Variants in NREP observed in about 807,000 individuals in gnomAD.
NREP encodes neuronal regeneration-related protein.
Under a neutral mutation model 8.6 loss-of-function variants are expected in NREP, and 5 were observed. That is an observed-to-expected ratio of 0.58 (90% CI 0.30 to 1.22). The LOEUF (loss-of-function observed/expected upper bound fraction) is 1.22, where lower values mean the gene tolerates loss of function less well. Among genes scored for constraint, NREP ranks in the 50% most tolerant of loss-of-function variants. The pLI is 0.07. For missense variants in NREP, 86 were observed against 82.5 expected, an observed-to-expected ratio of 1.04 and a Z score of -0.17; for synonymous variants, 27 against 28.0, an observed-to-expected ratio of 0.96 and a Z score of 0.11.
intron 3 of NREP, chr5:111,731,892 C>T (rs947031300): frequency 1.3e-5 from 2 of 152,462 alleles, no homozygotes; most frequent in Non-Finnish European, 2.9e-5. Flanking sequence ...ACAGCAGAAG[C>T]ACAGCACAGT....
At chr5:111,825,658 T>C (rs1345345529) in intron 2 of NREP, among the ~76,000 whole-genome samples, 1 of 152,092 alleles carries the variant, frequency 6.6e-6, no homozygotes, top group Non-Finnish European at 1.5e-5. Flanking sequence ...GTAGGAAAAA[T>C]GCTCAGTTCA....
upstream of NREP, chr5:111,757,662 C>T (rs919061073): frequency 1.4e-4 from 136 of 983,436 alleles, no homozygotes; most frequent in Non-Finnish European, 1.5e-4. Flanking sequence ...GCTCGCCGCG[C>T]CGTCCCCACT....
chr5:111,872,725 A>G (rs1753817817), intron 2 of NREP, among the ~76,000 whole-genome samples: 1 of 152,182 alleles, frequency 6.6e-6, no homozygotes, highest in Admixed American at 6.5e-5. Context: ...TTGGCCCTGC[A>G]TACTGGTAAC....
intron 2 of NREP, chr5:111,949,132 A>C (rs1312942577): frequency 1.3e-5 from 2 of 152,082 alleles, no homozygotes; most frequent in African/African-American, 4.8e-5. Flanking sequence ...ATCTATTCCA[A>C]TCACAAATAA....
chr5:111,976,721 A>G, exon 1 of NREP: 1 of 1,550,910 alleles, frequency 6.4e-7, no homozygotes, highest in Non-Finnish European at 8.7e-7. Context: ...AAAGCAGAAT[A>G]ATTCCAAACT....
intron 2 of NREP, among the ~76,000 whole-genome samples, chr5:111,899,726 C>G (rs1451082692): frequency 1.3e-5 from 2 of 152,054 alleles, no homozygotes; most frequent in Admixed American, 6.6e-5. Flanking sequence ...CACACATGGA[C>G]TGAAAGTTTT....
chr5:111,926,445 C>T (rs914504665), intron 2 of NREP, among the ~76,000 whole-genome samples: 2 of 152,110 alleles, frequency 1.3e-5, no homozygotes, highest in African/African-American at 4.8e-5. Context: ...TGTTGTCCCA[C>T]AGGGCAAAGA....
chr5:111,920,672 T>C (rs1298136773), intron 2 of NREP, among the ~76,000 whole-genome samples: 2 of 152,136 alleles, frequency 1.3e-5, no homozygotes, highest in Non-Finnish European at 2.9e-5. Context: ...TTCATTTACA[T>C]AAGGCATGAA....
chr5:111,844,064 C>A (rs1392268686), intron 2 of NREP, among the ~76,000 whole-genome samples: 3 of 151,706 alleles, frequency 2.0e-5, no homozygotes, highest in Admixed American at 6.6e-5. Context: ...GTATATCAGG[C>A]AAATATGAAA....
chr5:111,757,708 C>G (rs1283092747), upstream of NREP: 41 of 984,516 alleles, frequency 4.2e-5, no homozygotes, highest in Non-Finnish European at 4.8e-5. Flanking sequence ...AAAGCGGACC[C>G]GCAGCTCTGC....
At chr5:111,915,616 T>G (rs1369212446) in intron 2 of NREP, among the ~76,000 whole-genome samples, 1 of 152,054 alleles carries the variant, frequency 6.6e-6, no homozygotes, top group East Asian at 1.9e-4. Flanking sequence ...ACAGCTACCA[T>G]TTTGGCATGG....
intron 2 of NREP, among the ~76,000 whole-genome samples, chr5:111,886,256 T>A (rs747198753): frequency 1.3e-5 from 2 of 152,118 alleles, no homozygotes; most frequent in Non-Finnish European, 2.9e-5. Context: ...GAAGTGCAAA[T>A]CAAAACCGCA....
At chr5:111,852,680 G>T (rs1015604285) in intron 2 of NREP, among the ~76,000 whole-genome samples, 1 of 152,070 alleles carries the variant, frequency 6.6e-6, no homozygotes, top group African/African-American at 2.4e-5. Flanking sequence ...GGGTGTGTAT[G>T]TATTTTACTA....
At chr5:111,891,784 C>T (rs556305509) in intron 2 of NREP, among the ~76,000 whole-genome samples, 11 of 152,122 alleles carry the variant, frequency 7.2e-5, no homozygotes, top group East Asian at 3.9e-4. Flanking sequence ...CCAGATCTAG[C>T]GAGAACTCAC....
intron 2 of NREP, among the ~76,000 whole-genome samples, chr5:111,828,783 C>A (rs1221946372): frequency 6.6e-6 from 1 of 152,112 alleles, no homozygotes; most frequent in African/African-American, 2.4e-5. Flanking sequence ...GATATTATTA[C>A]ATTCAACAAA....
intron 2 of NREP, among the ~76,000 whole-genome samples, chr5:111,910,551 T>G (rs189533650): frequency 7.4e-4 from 113 of 152,166 alleles, no homozygotes; most frequent in Admixed American, 1.6e-3. Flanking sequence ...AATTATATAT[T>G]GTATGTAAAT....
intron 2 of NREP, among the ~76,000 whole-genome samples, chr5:111,899,491 G>A (rs148498334): frequency 5.8e-4 from 89 of 152,178 alleles, no homozygotes; most frequent in Non-Finnish European, 1.0e-3. Context: ...TCCAGCCTGG[G>A]CAACAGCATG....
intron 2 of NREP, among the ~76,000 whole-genome samples, chr5:111,839,981 TAAC>T (rs1319202839): frequency 1.3e-5 from 2 of 152,112 alleles, no homozygotes; most frequent in Non-Finnish European, 2.9e-5. Flanking sequence ...TCCAAATTGC[TAAC>T]AACATCCTGA....
chr5:111,774,237 GAAGAAGGGAGGGAGGGAAGGAGGGAGA>G (rs761155386), intron 2 of NREP, among the ~76,000 whole-genome samples: 17,383 of 150,504 alleles, frequency 0.12, 1,237 homozygotes, highest in African/African-American at 0.19. Flanking sequence ...GGGAGGGAAG[GAAGAAGGGAGGGAGGGAAGGAGGGAGA>G]GAAGGAGGGA....
Sources: allele counts gnomAD v4.1 joint callset (sites outside exome capture counted in the v4.1 genomes callset), GRCh38; gene constraint gnomAD v4.1.1; transcripts MANE v1.5; gene names NCBI Gene and HGNC (gene_info 2026-07-23, HGNC 2026-07-21).